The following CRMP1 variants were observed in gnomAD, a reference collection of about 807,000 sequenced individuals.
CRMP1 encodes collapsin response mediator protein 1, also known as dihydropyrimidinase-related protein 1.
CRMP1 carries 19 observed loss-of-function variants against 68.3 expected under a neutral mutation model. That is an observed-to-expected ratio of 0.28 (90% CI 0.19 to 0.41). The LOEUF (loss-of-function observed/expected upper bound fraction) is 0.41, where lower values mean the gene tolerates loss of function less well. Among genes scored for constraint, CRMP1 ranks in the 10% least tolerant of loss-of-function variants. CRMP1 has a pLI of 1.00. For synonymous variants in CRMP1, 439 were observed against 399.6 expected (o/e 1.10, Z -1.18); for missense variants, 791 against 967.4 (o/e 0.82, Z 2.42).
Position 5,841,197 on chromosome 4 carries a change from C to T in CRMP1, c.1153+111G>A. On this transcript the variant is annotated intron_variant, in intron 8 of 13. Transcript: ENST00000324989. The surrounding 1 kb of genome is among the most constrained non-coding windows in gnomAD (Gnocchi z 6.9). Reference sequence around the variant, plus strand: ...GTGTCAGGAGCATCCCCGCTCCACCCCTCCCTCCTCCGGCTGCCTGTCTGA... The same window carrying T: ...GTGTCAGGAGCATCCCCGCTCCACCTCTCCCTCCTCCGGCTGCCTGTCTGA... The T allele has an allele frequency of 3.2e-6, 5 of 1,552,972 alleles. No individual in the cohort carries two copies. The Admixed American group carries it at 5.1e-5, about 16-fold the overall frequency.
chr4:5,862,750 G>C, intron 2 of CRMP1, among the ~76,000 whole-genome samples: 1 of 152,214 alleles, frequency 6.6e-6, no homozygotes, highest in East Asian at 1.9e-4. Flanking sequence ...AGCTCAGTCT[G>C]ATTCAAGCCT....
At position 5,843,108 on chromosome 4, in the gene CRMP1, C is replaced by T. The variant is rs776155620; in HGVS notation, c.1017G>A (p.Leu339=). The change falls in exon 7 of 14, where the codon CTG becomes CTA. Residue 339 remains leucine (L), a synonymous_variant. Transcript: ENST00000324989. This position sits in a 1 kb window ranked among gnomAD's most constrained non-coding sequence, Gnocchi z 4.1. ...MGITGPEGHA[L]SRPEELEAEA... Reference sequence around the variant, plus strand: ...GAGTCCTTACCTCTTCAGGTCTGCTCAGGGCATGGCCCTCGGGACCCGTGA... The same window carrying T: ...GAGTCCTTACCTCTTCAGGTCTGCTTAGGGCATGGCCCTCGGGACCCGTGA... The T allele has an allele frequency of 1.9e-5, 31 of 1,614,024 alleles. No individual in the cohort carries two copies. The highest frequency in any genetic ancestry group is 2.7e-5 in the African/African-American group (2 of 74,928).
At chr4:5,828,259 AC>A in intron 12 of CRMP1, 1 of 984,996 alleles carries the variant, frequency 1.0e-6, no homozygotes, top group Non-Finnish European at 1.2e-6. Context: ...ACGGGTGCAC[AC>A]CCCTCTACAG....
chr4:5,849,567 C>T (rs113706111), intron 5 of CRMP1, 95 bp from the exon 6 acceptor site: 79 of 779,052 alleles, frequency 1.0e-4, no homozygotes, highest in African/African-American at 8.1e-4. Context: ...CACACCCATT[C>T]GGTCATTCAC....
rs185990832 is a variant in CRMP1, at chr4:5,891,114, G to A, written c.381+1475C>T. Among the ~76,000 whole-genome samples the A allele has an allele frequency of 4.6e-5, 7 of 151,504 alleles. No homozygotes were observed. The highest frequency in any genetic ancestry group is 1.5e-4 in the African/African-American group (6 of 41,282). Reference sequence around the variant, plus strand: ...AGGGGGAGATACAGAAGGGGTGGGGGAAGAGGAAGCTGGACTCTCGCACCA... The same window carrying A: ...AGGGGGAGATACAGAAGGGGTGGGGAAAGAGGAAGCTGGACTCTCGCACCA... On this transcript the variant is annotated intron_variant, in intron 1 of 13. Transcript: ENST00000324989. This position sits in a 1 kb window ranked among gnomAD's most constrained non-coding sequence, Gnocchi z 5.2.
chr4:5,885,733 G>C (rs1396077558), intron 1 of CRMP1, among the ~76,000 whole-genome samples: 2 of 152,132 alleles, frequency 1.3e-5, no homozygotes, highest in Non-Finnish European at 2.9e-5. Context: ...TAACACTTCA[G>C]GCTGAAATGT....
rs925937161 is a variant in CRMP1, at chr4:5,865,476, C to T, written c.470+1192G>A. On this transcript the variant is annotated intron_variant, in intron 2 of 13. Transcript: ENST00000324989. This position sits in a 1 kb window ranked among gnomAD's most constrained non-coding sequence, Gnocchi z 4.1. ...TCTCTACTAAAATGCAAAAAAGTAG[C>T]GGGGCATGGTGATGCATGCCTGTAG... is the stretch of plus-strand genomic sequence containing the variant. Among the ~76,000 whole-genome samples, 2 of 151,922 alleles carry T rather than the reference C, an allele frequency of 1.3e-5. No homozygotes were observed. The highest frequency in any genetic ancestry group is 1.9e-4 in the East Asian group (1 of 5,160).
chr4:5,821,713 A>G lies in CRMP1; in HGVS notation c.*47T>C. On this transcript the variant is annotated 3_prime_UTR_variant, in exon 14 of 14. Coordinates refer to ENST00000324989, the MANE Select transcript of CRMP1 (RefSeq NM_001014809.3). This position sits in a 1 kb window ranked among gnomAD's most constrained non-coding sequence, Gnocchi z 4.4. ...AAAACACTGACAGGAAAAGGGATGG[A>G]CATGATTCCCAGAATCCTTCAGGCT... 6.6e-7 allele frequency: 1 copy of G among 1,523,800 alleles called. No homozygotes were observed. Among genetic ancestry groups the G allele is most frequent in the Non-Finnish European group, 9.0e-7 (1 of 1,116,624 alleles). The allele number at this position is 1,523,800 out of a possible 1,614,324, so 94.4% of individuals were successfully genotyped here. A position where few individuals can be genotyped will look rare whatever the true frequency, so the allele number is the denominator to read the frequency against.
chr4:5,830,922 C>A (rs1163579244), intron 11 of CRMP1, among the ~76,000 whole-genome samples: 3 of 152,088 alleles, frequency 2.0e-5, no homozygotes, highest in Non-Finnish European at 4.4e-5. Flanking sequence ...GTGTAAAAGT[C>A]CCTGAATTTA....
intron 1 of CRMP1, among the ~76,000 whole-genome samples, chr4:5,873,965 C>T (rs1403164947): frequency 6.6e-6 from 1 of 152,146 alleles, no homozygotes; most frequent in Admixed American, 6.5e-5. Flanking sequence ...CATTTCCAAG[C>T]TAAGACATCA....
In CRMP1 at chr4:5,883,514, T is replaced by C. The variant is rs531960174; in HGVS notation, c.381+9075A>G. Among the ~76,000 whole-genome samples the C allele has an allele frequency of 2.0e-5, 3 of 152,300 alleles. No individual in the cohort carries two copies. The highest frequency in any genetic ancestry group is 6.5e-5 in the Admixed American group (1 of 15,298). On this transcript the variant is annotated intron_variant, in intron 1 of 13. Transcript: ENST00000324989. The surrounding 1 kb of genome is among the most constrained non-coding windows in gnomAD (Gnocchi z 4.5). ...CAGGGTTTCACCATGTTGGCCAGGC[T>C]GGTCTCAAACTCTTGACCTTAAGTG...
In CRMP1 at chr4:5,826,008, C is replaced by T. The variant is rs546098392; in HGVS notation, c.1804-349G>A. The T allele has an allele frequency of 1.4e-3, 439 of 318,172 alleles. 3 individuals are homozygous for T. The highest frequency in any genetic ancestry group is 2.1e-3 in the Non-Finnish European group (368 of 173,942). 19.7% of individuals were successfully genotyped at this position (318,172 alleles called of 1,614,324 possible). A position where few individuals can be genotyped will look rare whatever the true frequency, so the allele number is the denominator to read the frequency against. ...ACACAGTAGCATACACGCGTGAACA[C>T]GCACACACACTTAAATCACATACAG... On this transcript the variant is annotated intron_variant, in intron 12 of 13. Coordinates refer to ENST00000324989, the MANE Select transcript of CRMP1 (RefSeq NM_001014809.3).
Position 5,889,947 on chromosome 4 carries a change from T to G in CRMP1, c.381+2642A>C, listed in dbSNP as rs41264695. ...ATTTTACAGACAGGAAATTGAGGCTTACAGAGGTAAAATGATGTACCCCGG... is the reference window on the plus strand; with the variant it reads ...ATTTTACAGACAGGAAATTGAGGCTGACAGAGGTAAAATGATGTACCCCGG... On this transcript the variant is annotated intron_variant, in intron 1 of 13. Coordinates refer to ENST00000324989, the MANE Select transcript of CRMP1 (RefSeq NM_001014809.3). The surrounding 1 kb of genome is among the most constrained non-coding windows in gnomAD (Gnocchi z 4.5). 5.0e-5 allele frequency: 67 copies of G among 1,343,680 alleles called. No homozygotes were observed. Among genetic ancestry groups the G allele is most frequent in the Non-Finnish European group, 6.1e-5 (64 of 1,042,902 alleles). The allele number at this position is 1,343,680 out of a possible 1,614,324, so 83.2% of individuals were successfully genotyped here.
Position 5,893,085 on chromosome 4 carries a change from G to A in CRMP1, c.-116C>T. 2 of 680,486 alleles carry A rather than the reference G, an allele frequency of 2.9e-6. No individual in the cohort carries two copies. The highest frequency in any genetic ancestry group is 3.6e-6 in the Non-Finnish European group (2 of 552,906). The allele number at this position is 680,486 out of a possible 1,614,324, so 42.2% of individuals were successfully genotyped here. On this transcript the variant is annotated 5_prime_UTR_variant, in exon 1 of 14. Transcript: ENST00000324989. ...GGCCTGCGGCGGCCCGGGCGCGACT[G>A]CGGCCCAGGGAGGGGAGGGGCGGGG...
Position 5,843,220 on chromosome 4 carries a change from C to T in CRMP1, c.964-59G>A. 1 of 1,568,426 alleles carries T rather than the reference C, an allele frequency of 6.4e-7. No homozygotes were observed. Among genetic ancestry groups the T allele is most frequent in the Non-Finnish European group, 8.8e-7 (1 of 1,138,916 alleles). On this transcript the variant is annotated intron_variant, in intron 6 of 13. Transcript: ENST00000324989. The surrounding 1 kb of genome is among the most constrained non-coding windows in gnomAD (Gnocchi z 4.1). ...AGGGTGTCAGAGCTGGGAGAAGTGA[C>T]TCCTCCAACCCCCTGGTTAGACAGA...
Position 5,841,526 on chromosome 4 carries a change from C to G in CRMP1, c.1033-98G>C. ...AATTGAATGTGATCAGAAGGGAAAT[C>G]TGCTCCATTGAATGAGAAGGACATA... On this transcript the variant is annotated intron_variant, in intron 7 of 13. Coordinates refer to ENST00000324989, the MANE Select transcript of CRMP1 (RefSeq NM_001014809.3). The surrounding 1 kb of genome is among the most constrained non-coding windows in gnomAD (Gnocchi z 6.9). 3.2e-6 allele frequency: 5 copies of G among 1,559,620 alleles called. No homozygotes were observed. Among genetic ancestry groups the G allele is most frequent in the Non-Finnish European group, 3.5e-6 (4 of 1,145,826 alleles).
chr4:5,848,408 G>T (rs950067804), intron 6 of CRMP1, among the ~76,000 whole-genome samples: 2 of 152,144 alleles, frequency 1.3e-5, no homozygotes, highest in African/African-American at 4.8e-5. Flanking sequence ...GGCCAGGCTG[G>T]TCTCACACTC....
In CRMP1 at chr4:5,889,529, A is replaced by G. The variant is rs1715842811; in HGVS notation, c.381+3060T>C. The G allele has an allele frequency of 1.3e-6, 2 of 1,526,784 alleles. No individual in the cohort carries two copies. Among genetic ancestry groups the G allele is most frequent in the African/African-American group, 2.7e-5 (2 of 72,902 alleles). 94.6% of individuals were successfully genotyped at this position (1,526,784 alleles called of 1,614,324 possible). A position where few individuals can be genotyped will look rare whatever the true frequency, so the allele number is the denominator to read the frequency against. On this transcript the variant is annotated intron_variant, in intron 1 of 13. Coordinates refer to ENST00000324989, the MANE Select transcript of CRMP1 (RefSeq NM_001014809.3). The surrounding 1 kb of genome is among the most constrained non-coding windows in gnomAD (Gnocchi z 4.5). ...ACAAGGTCCGTAACAGCAGAGGGGA[A>G]AAGATGAAAGAAGATGGAGGAAAAG...
rs1031835864 is a variant in CRMP1, at chr4:5,842,989, C to A, written c.1032+104G>T. Reference sequence around the variant, plus strand: ...GTTTGGGATGGTCTGGGAGAGGACACGGGAAGAGGCCGGGTCCTGGCTGGG... The same window carrying A: ...GTTTGGGATGGTCTGGGAGAGGACAAGGGAAGAGGCCGGGTCCTGGCTGGG... On this transcript the variant is annotated intron_variant, in intron 7 of 13. Coordinates refer to ENST00000324989, the MANE Select transcript of CRMP1 (RefSeq NM_001014809.3). The surrounding 1 kb of genome is among the most constrained non-coding windows in gnomAD (Gnocchi z 4.5). 1.8e-6 allele frequency: 2 copies of A among 1,098,032 alleles called. No homozygotes were observed. Among genetic ancestry groups the A allele is most frequent in the East Asian group, 4.8e-5 (2 of 41,906 alleles). 68.0% of individuals were successfully genotyped at this position (1,098,032 alleles called of 1,614,324 possible). A position where few individuals can be genotyped will look rare whatever the true frequency, so the allele number is the denominator to read the frequency against.
Sources: gnomAD v4.1 joint callset for allele counts (sites outside exome capture counted in the v4.1 genomes callset) on GRCh38, gnomAD v4.1.1 for gene constraint, Gnocchi (gnomAD v3.1) non-coding constraint, MANE v1.5 for transcripts, NCBI Gene and HGNC (gene_info 2026-07-23, HGNC 2026-07-21) for gene names.